The following MLX variants were observed in gnomAD, a reference collection of about 807,000 sequenced individuals.
The protein encoded by MLX is MAX dimerization protein MLX.
Under a neutral mutation model 33.0 loss-of-function variants are expected in MLX, and 15 were observed. That is an observed-to-expected ratio of 0.45 (90% CI 0.30 to 0.70). The LOEUF (loss-of-function observed/expected upper bound fraction) is 0.70. MLX is among the 30% of genes least tolerant of loss of function. The probability of loss-of-function intolerance (pLI) is 0.07; values close to 1 mark genes in which losing one functional copy is unlikely to be tolerated. For synonymous variants in MLX, 115 were observed against 115.6 expected, an observed-to-expected ratio of 0.99 and a Z score of 0.03; for missense variants, 285 against 306.3, an observed-to-expected ratio of 0.93 and a Z score of 0.52.
chr17:42,567,138 G>T lies in MLX; in HGVS notation c.14G>T (p.Gly5Val). 1.6e-6 allele frequency: 2 copies of T among 1,261,556 alleles called. No homozygotes were observed. The highest frequency in any genetic ancestry group is 2.0e-6 in the Non-Finnish European group (2 of 1,003,630). The allele number at this position is 1,261,556 out of a possible 1,614,324, so 78.1% of individuals were successfully genotyped here. Residue 5 changes from glycine to valine, a missense_variant, in exon 1 of 8, where the codon GGC becomes GTC. Coordinates refer to ENST00000435881, the MANE Select transcript of MLX (RefSeq NM_198204.2). ...GGTGGGTACAAGATGACGGAGCCGG[G>T]CGCCTCTCCCGAGGACCCTTGGGTC... The part of the protein sequence containing the change: MTEP[G>V]ASPEDPWVKV...
At chr17:42,571,482 C>A in intron 7 of MLX, 65 bp from the exon 8 acceptor site, 2 of 1,526,650 alleles carry the variant, frequency 1.3e-6, no homozygotes, top group Non-Finnish European at 1.8e-6. Flanking sequence ...TCTAGGCAGG[C>A]ATCTTGGAAA....
chr17:42,567,362 C>T, intron 1 of MLX, 196 bp downstream of exon 1: 1 of 1,398,478 alleles, frequency 7.2e-7, no homozygotes, highest in Non-Finnish European at 9.4e-7. Context: ...GCGCGCGAGT[C>T]GGGGGAACGG....
In MLX at chr17:42,568,842, G is replaced by A; in HGVS notation, c.175G>A (p.Glu59Lys). 1 of 1,607,340 alleles carries A rather than the reference G, an allele frequency of 6.2e-7. No homozygotes were observed. Among genetic ancestry groups the A allele is most frequent in the Non-Finnish European group, 8.5e-7 (1 of 1,176,468 alleles). ...SASSVPNTDD[E>K]DSDYHQEAYK... The stretch of plus-strand genomic sequence containing the variant: ...GCCCCCATCTCTGAGCGTAGATGAT[G>A]AGGACAGTGATTACCACCAGGAGGC... The change falls in exon 4 of 8, where the codon GAG becomes AAG. Residue 59 changes from glutamate to lysine, a missense_variant. Physicochemically the swap from Glu to Lys is moderately conservative, Grantham distance 56 (BLOSUM62 1). Coordinates refer to ENST00000435881, the MANE Select transcript of MLX (RefSeq NM_198204.2).
Position 42,569,226 on chromosome 17 carries a change from C to G in MLX, c.299C>G (p.Thr100Ser). 1 of 1,614,118 alleles carries G rather than the reference C, an allele frequency of 6.2e-7. No homozygotes were observed. The highest frequency in any genetic ancestry group is 8.5e-7 in the Non-Finnish European group (1 of 1,179,990). The change falls in exon 5 of 8, where the codon ACC (threonine) becomes AGC (serine). Residue 100 changes from threonine to serine, a missense_variant. Coordinates refer to ENST00000435881, the MANE Select transcript of MLX (RefSeq NM_198204.2). ...AIKRGYDDLQ[T>S]IVPTCQQQDF... is the part of the protein sequence containing the mutation. ...CAGAGAGGCTATGATGACCTTCAGA[C>G]CATCGTCCCCACTTGCCAGCAGCAG...
At chr17:42,571,001 T>C (rs1011711545) in intron 7 of MLX, among the ~76,000 whole-genome samples, 1 of 152,122 alleles carries the variant, frequency 6.6e-6, no homozygotes, top group Non-Finnish European at 1.5e-5. Flanking sequence ...CATATTGCGA[T>C]GTTGAGAGGA....
At chr17:42,571,511 G>T (rs1361031912) in intron 7 of MLX, 36 bp from the exon 8 acceptor site, 8 of 1,608,478 alleles carry the variant, frequency 5.0e-6, no homozygotes, top group Non-Finnish European at 6.8e-6. Context: ...CGTTGACTTG[G>T]GCATTGTCTA....
Position 42,569,520 on chromosome 17 carries a change from T to C in MLX, c.390T>C (p.Ile130=). 6.2e-7 allele frequency: 1 copy of C among 1,613,970 alleles called. No homozygotes were observed. Among genetic ancestry groups the C allele is most frequent in the African/African-American group, 1.3e-5 (1 of 74,976 alleles). ...AIVLQKTIDY[I]QFLHKEKKKQ... ...CCCCCACCCTAGCCATTGACTACAT[T>C]CAGTTTTTGCACAAGGAGAAGAAAA... The change falls in exon 6 of 8, where the codon ATT becomes ATC. Residue 130 remains isoleucine, a synonymous_variant. Coordinates refer to ENST00000435881, the MANE Select transcript of MLX (RefSeq NM_198204.2).
intron 1 of MLX, 119 bp from the exon 2 acceptor site, chr17:42,567,500 G>A (rs2093013067): frequency 2.6e-6 from 4 of 1,536,948 alleles, no homozygotes; most frequent in Admixed American, 1.8e-5. Flanking sequence ...GTGCAAGCGC[G>A]CAGGGTGACA....
chr17:42,569,096 A>AC, intron 4 of MLX, 108 bp from the exon 5 acceptor site: 1 of 1,298,064 alleles, frequency 7.7e-7, no homozygotes, highest in Non-Finnish European at 1.1e-6. Context: ...CAGCCTTCCC[A>AC]CCCCATTGAG....
In MLX at chr17:42,569,497, C is replaced by G; in HGVS notation, c.377-10C>G. Reference sequence around the variant, plus strand: ...CTGTACCTGTCCTTTTTTTCTTGCCCCCACCCTAGCCATTGACTACATTCA... The same window carrying G: ...CTGTACCTGTCCTTTTTTTCTTGCCGCCACCCTAGCCATTGACTACATTCA... On this transcript the variant is annotated splice_polypyrimidine_tract_variant and intron_variant, in intron 5 of 7. Transcript: ENST00000435881. 1 of 1,610,716 alleles carries G rather than the reference C, an allele frequency of 6.2e-7. No homozygotes were observed. The highest frequency in any genetic ancestry group is 8.5e-7 in the Non-Finnish European group (1 of 1,177,594).
At chr17:42,570,272 C>G in intron 7 of MLX, 89 bp downstream of exon 7, 1 of 1,331,758 alleles carries the variant, frequency 7.5e-7, no homozygotes. Context: ...AAAAGCGTGG[C>G]AGCTGCTTTT....
At chr17:42,571,449 A>T in intron 7 of MLX, 98 bp from the exon 8 acceptor site, 7 of 1,353,462 alleles carry the variant, frequency 5.2e-6, no homozygotes, top group Non-Finnish European at 6.3e-6. Context: ...TTTTTAAAGC[A>T]CTTTTCTAAA....
In MLX at chr17:42,572,957, C is replaced by G; in HGVS notation, c.*1354C>G. 1 of 1,613,936 alleles carries G rather than the reference C, an allele frequency of 6.2e-7. No homozygotes were observed. Among genetic ancestry groups the G allele is most frequent in the Non-Finnish European group, 8.5e-7 (1 of 1,179,872 alleles). On this transcript the variant is annotated 3_prime_UTR_variant, in exon 8 of 8. Coordinates refer to ENST00000435881, the MANE Select transcript of MLX (RefSeq NM_198204.2). ...ATCCTGCAGTCCCCACCAGTCCTGA[C>G]CGTGGGCCCCTCAGGGGTCTGGGAG...
rs1195508352 is a variant in MLX at position 42,569,552 on chromosome 17, A to G, written c.422A>G (p.Glu141Gly). ...QFLHKEKKKQEEEVSTLRKDV... is the reference protein window; with the variant it reads ...QFLHKEKKKQGEEVSTLRKDV... ...TTGCACAAGGAGAAGAAAAAGCAGG[A>G]GGAGGAGGTGTCCACGTTACGCAAG... is the stretch of plus-strand genomic sequence containing the variant. The change falls in exon 6 of 8, where the codon GAG (glutamate) becomes GGG (glycine). Residue 141 changes from glutamate to glycine, a missense_variant. Transcript: ENST00000435881. The G allele has an allele frequency of 2.5e-6, 4 of 1,614,002 alleles. No individual in the cohort carries two copies.
At chr17:42,571,003 T>C (rs1439566210) in intron 7 of MLX, among the ~76,000 whole-genome samples, 2 of 152,188 alleles carry the variant, frequency 1.3e-5, no homozygotes, top group East Asian at 3.8e-4. Context: ...TATTGCGATG[T>C]TGAGAGGAGT....
At chr17:42,570,292 G>T (rs1307627253) in intron 7 of MLX, 109 bp downstream of exon 7, 4 of 1,078,424 alleles carry the variant, frequency 3.7e-6, no homozygotes, top group Non-Finnish European at 5.5e-6. Context: ...TAGATCTTAA[G>T]GGCGTTTCTA....
chr17:42,567,575 A>T lies in MLX; in HGVS notation c.43-44A>T, dbSNP rs186535288. The T allele has an allele frequency of 1.4e-4, 232 of 1,613,262 alleles. 1 individual carries two copies. The African/African-American group carries it at 2.8e-3, about 19-fold the overall frequency. The stretch of plus-strand genomic sequence containing the variant: ...TGCAGTGGAAGGGGCGCCTCCCCCT[A>T]GGGGCGGAGGTCTGACGGGCCCTTC... On this transcript the variant is annotated intron_variant, in intron 1 of 7. Transcript: ENST00000435881.
intron 4 of MLX, 67 bp from the exon 5 acceptor site, chr17:42,569,137 G>A: frequency 2.7e-6 from 4 of 1,471,602 alleles, no homozygotes; most frequent in Non-Finnish European, 2.8e-6. Flanking sequence ...TGTCATGGAG[G>A]AACTTTGTGC....
rs762401579 is a variant in MLX at position 42,571,631 on chromosome 17, CAA to C, written c.*29_*30del. The C allele has an allele frequency of 6.0e-3, 9,730 of 1,611,278 alleles. 37 individuals carry two copies. The highest frequency in any genetic ancestry group is 0.018 in the Middle Eastern group (110 of 6,054). ...GGTTCTTGGAAACCTGGAGAACAGC[CAA>C]CAAGAGGCCCTTGAATCTCTACGTG... On this transcript the variant is annotated 3_prime_UTR_variant, in exon 8 of 8. Coordinates refer to ENST00000435881, the MANE Select transcript of MLX (RefSeq NM_198204.2).
Sources: gnomAD v4.1 joint callset for allele counts (sites outside exome capture counted in the v4.1 genomes callset) on GRCh38, gnomAD v4.1.1 for gene constraint, MANE v1.5 for transcripts, NCBI Gene and HGNC (gene_info 2026-07-23, HGNC 2026-07-21) for gene names.